The following RBM25 variants were observed in gnomAD, a reference collection of about 807,000 sequenced individuals.
RBM25 encodes RNA binding motif protein 25.
A neutral mutation model predicts 120.7 loss-of-function variants in RBM25; 19 were observed. That is an observed-to-expected ratio of 0.16 (90% CI 0.11 to 0.23). RBM25 has a LOEUF of 0.23. RBM25 is among the 10% of genes least tolerant of loss of function. The pLI is 1.00. For synonymous variants in RBM25, 390 were observed against 326.7 expected, an observed-to-expected ratio of 1.19 and a Z score of -2.09; for missense variants, 605 against 1,041.5, an observed-to-expected ratio of 0.58 and a Z score of 5.77.
chr14:73,090,460 C>T (rs980251129), intron 6 of RBM25, among the ~76,000 whole-genome samples: 3 of 152,166 alleles, frequency 2.0e-5, no homozygotes, highest in African/African-American at 7.2e-5. Flanking sequence ...ACAGTCTTCC[C>T]TTTTGCTTTG....
intron 18 of RBM25, 70 bp from the exon 19 acceptor site, chr14:73,119,643 T>C (rs905509241): frequency 7.5e-6 from 12 of 1,589,856 alleles, no homozygotes; most frequent in African/African-American, 1.4e-5. Context: ...TTTTTTATAC[T>C]GGCCACTGTT....
At chr14:73,104,220 C>G (rs754314272) in intron 10 of RBM25, among the ~76,000 whole-genome samples, 6 of 151,886 alleles carry the variant, frequency 4.0e-5, no homozygotes, top group Non-Finnish European at 5.9e-5. Flanking sequence ...CTTTTTAGCC[C>G]CTAGCATTTT....
chr14:73,091,951 C>G (rs906849518), intron 6 of RBM25, among the ~76,000 whole-genome samples: 5 of 151,978 alleles, frequency 3.3e-5, no homozygotes, highest in Non-Finnish European at 7.4e-5. Context: ...AAACAATTGA[C>G]AGATATCAGT....
rs1442267507 is a variant in RBM25, at chr14:73,076,345, A to G, written c.133A>G (p.Ser45Gly). ...PGTPMIPVPM[S>G]IMAPAPTVLV... ...GACCCCAATGATTCCTGTACCAATG[A>G]GCATTATGGCTCCTGCTCCAACTGT... Residue 45 changes from serine to glycine, a missense_variant, in exon 3 of 19, where the codon AGC (serine) becomes GGC (glycine). Ser to Gly is a moderately conservative substitution (Grantham distance 56). Coordinates refer to ENST00000261973, the MANE Select transcript of RBM25 (RefSeq NM_021239.3). 6.2e-7 allele frequency: 1 copy of G among 1,612,772 alleles called. No individual in the cohort carries two copies. Among genetic ancestry groups the G allele is most frequent in the Non-Finnish European group, 8.5e-7 (1 of 1,178,876 alleles).
intron 2 of RBM25, among the ~76,000 whole-genome samples, chr14:73,075,681 T>C (rs1056211727): frequency 3.9e-5 from 6 of 152,242 alleles, no homozygotes; most frequent in Admixed American, 3.3e-4. Context: ...TACATACTTA[T>C]TTTTTGTTGT....
intron 1 of RBM25, among the ~76,000 whole-genome samples, chr14:73,060,675 CTA>C (rs1308442331): frequency 6.6e-6 from 1 of 151,338 alleles, no homozygotes; most frequent in Non-Finnish European, 1.5e-5. Flanking sequence ...GTTGCTGAAA[CTA>C]GAAGAACAAA....
chr14:73,111,241 T>A, intron 15 of RBM25, 86 bp downstream of exon 15: 5 of 1,180,120 alleles, frequency 4.2e-6, no homozygotes, highest in Non-Finnish European at 5.9e-6. Flanking sequence ...AAAATTTATA[T>A]TTGTGCTTGG....
chr14:73,103,680 G>A (rs933647372), intron 10 of RBM25, among the ~76,000 whole-genome samples: 11 of 151,918 alleles, frequency 7.2e-5, no homozygotes, highest in Admixed American at 4.6e-4. Flanking sequence ...AGCCTCCCAA[G>A]TAGCTGGGAT....
At position 73,121,141 on chromosome 14, in the gene RBM25, G is replaced by A. The variant is rs1483328229; in HGVS notation, c.*1336G>A. 1.3e-5 allele frequency: 2 copies of A among 151,556 alleles called. No homozygotes were observed. Among genetic ancestry groups the A allele is most frequent in the African/African-American group, 2.4e-5 (1 of 41,196 alleles). 9.4% of individuals were successfully genotyped at this position (151,556 alleles called of 1,614,324 possible). A position where few individuals can be genotyped will look rare whatever the true frequency, so the allele number is the denominator to read the frequency against. Reference sequence around the variant, plus strand: ...CCCATGTCTGAGTACTTATTTAAAAGAAAGGTAAAGATTGGCCTGTTAGAA... The same window carrying A: ...CCCATGTCTGAGTACTTATTTAAAAAAAAGGTAAAGATTGGCCTGTTAGAA... On this transcript the variant is annotated 3_prime_UTR_variant, in exon 19 of 19. Coordinates refer to ENST00000261973, the MANE Select transcript of RBM25 (RefSeq NM_021239.3).
chr14:73,097,203 T>TC, intron 7 of RBM25, 103 bp downstream of exon 7: 1 of 738,312 alleles, frequency 1.4e-6, no homozygotes, highest in East Asian at 3.7e-5. Context: ...TTTCTTTTTT[T>TC]TTTTTTTTTT....
chr14:73,108,014 AT>A, intron 13 of RBM25, 115 bp downstream of exon 13: 2 of 709,504 alleles, frequency 2.8e-6, no homozygotes, highest in Non-Finnish European at 4.8e-6. Flanking sequence ...AAACTTTCAC[AT>A]TCTGAGTAAT....
intron 4 of RBM25, among the ~76,000 whole-genome samples, chr14:73,083,229 G>C (rs889274769): frequency 2.0e-5 from 3 of 152,168 alleles, no homozygotes; most frequent in African/African-American, 7.2e-5. Context: ...GTTAGGATAA[G>C]TAGTGATGCG....
chr14:73,102,932 G>T (rs1197254219), intron 9 of RBM25: 1 of 513,112 alleles, frequency 1.9e-6, no homozygotes, highest in Non-Finnish European at 3.2e-6. Flanking sequence ...CATAGTCATT[G>T]AGTGGCCAGC....
chr14:73,118,885 C>T (rs1208395457), intron 18 of RBM25, among the ~76,000 whole-genome samples: 1 of 152,096 alleles, frequency 6.6e-6, no homozygotes, highest in East Asian at 1.9e-4. Context: ...TCTCCTACCT[C>T]AGCCTCCCGA....
intron 1 of RBM25, among the ~76,000 whole-genome samples, chr14:73,070,380 A>G (rs1236151514): frequency 1.3e-5 from 2 of 152,146 alleles, no homozygotes; most frequent in Non-Finnish European, 2.9e-5. Flanking sequence ...TAAAAAATCA[A>G]ATGCTAGCTT....
At chr14:73,084,055 GC>G (rs1895627388) in intron 5 of RBM25, among the ~76,000 whole-genome samples, 3 of 151,964 alleles carry the variant, frequency 2.0e-5, no homozygotes. Context: ...GCGCCACCAT[GC>G]CCGGCTAATT....
intron 2 of RBM25, 134 bp downstream of exon 2, chr14:73,071,881 C>T (rs1426936196): frequency 3.0e-6 from 2 of 663,616 alleles, no homozygotes; most frequent in Non-Finnish European, 5.1e-6. Context: ...ATGTGGATGT[C>T]TCTTTTTCCT....
chr14:73,060,847 T>C (rs940143769), intron 1 of RBM25, among the ~76,000 whole-genome samples: 7 of 151,408 alleles, frequency 4.6e-5, no homozygotes, highest in Non-Finnish European at 8.9e-5. Flanking sequence ...TTTATCCTTC[T>C]CTTCATAGGT....
chr14:73,103,539 C>CAACCTGGGAGG, intron 10 of RBM25, 61 bp downstream of exon 10: 1 of 1,513,186 alleles, frequency 6.6e-7, no homozygotes, highest in Non-Finnish European at 8.8e-7. Context: ...GGGTAGTCCT[C>CAACCTGGGAGG]CAGAGTACCA....
Sources: allele counts gnomAD v4.1 joint callset (sites outside exome capture counted in the v4.1 genomes callset), GRCh38; gene constraint gnomAD v4.1.1; transcripts MANE v1.5; gene names NCBI Gene and HGNC (gene_info 2026-07-23, HGNC 2026-07-21).